Variants in ENTREP2 observed in about 807,000 individuals in gnomAD.
The protein encoded by ENTREP2 is endosomal transmembrane epsin interactor 2.
At chr15:29,128,798 T>C in the ENTREP2 span, 2 of 1,550,876 alleles carry the variant, frequency 1.3e-6, no homozygotes, top group East Asian at 2.4e-5. Context: ...CCTGGAGTGC[T>C]GAAGCCAGCA....
the ENTREP2 span, among the ~76,000 whole-genome samples, chr15:29,271,357 T>C: frequency 6.6e-6 from 1 of 152,228 alleles, no homozygotes; most frequent in Non-Finnish European, 1.5e-5. Context: ...AGGTCCCTAC[T>C]GCAGGATGTG....
chr15:29,654,510 A>C, the ENTREP2 span, among the ~76,000 whole-genome samples: 1 of 152,242 alleles, frequency 6.6e-6, no homozygotes, highest in Admixed American at 6.5e-5. Flanking sequence ...GACATGCATT[A>C]ATAAGAACTT....
the ENTREP2 span, among the ~76,000 whole-genome samples, chr15:29,438,958 G>A: frequency 6.6e-6 from 1 of 152,214 alleles, no homozygotes; most frequent in East Asian, 1.9e-4. Flanking sequence ...TATTTCCCCT[G>A]AAGGCAATGG....
chr15:29,652,176 A>C, the ENTREP2 span, among the ~76,000 whole-genome samples: 1 of 152,172 alleles, frequency 6.6e-6, no homozygotes, highest in South Asian at 2.1e-4. Context: ...AGAGAGGAGA[A>C]ACACACTCCA....
At chr15:29,489,502 G>GATTTTA in the ENTREP2 span, among the ~76,000 whole-genome samples, 3 of 103,336 alleles carry the variant, frequency 2.9e-5, no homozygotes, top group Non-Finnish European at 5.7e-5. Flanking sequence ...CTTTGATTCT[G>GATTTTA]TATGTGCGTA....
At chr15:29,547,546 T>C in the ENTREP2 span, among the ~76,000 whole-genome samples, 1 of 152,182 alleles carries the variant, frequency 6.6e-6, no homozygotes, top group Non-Finnish European at 1.5e-5. Flanking sequence ...CTCACCCTCA[T>C]CAGGATGGCT....
the ENTREP2 span, among the ~76,000 whole-genome samples, chr15:29,553,895 T>A: frequency 6.6e-6 from 1 of 152,112 alleles, no homozygotes; most frequent in Non-Finnish European, 1.5e-5. Flanking sequence ...CAAGCAAGAA[T>A]CACCCAGCAG....
the ENTREP2 span, among the ~76,000 whole-genome samples, chr15:29,162,512 C>G: frequency 5.3e-5 from 8 of 152,060 alleles, no homozygotes; most frequent in Non-Finnish European, 1.2e-4. Context: ...TGCATGGGAG[C>G]TGGGTGAGGC....
chr15:29,355,908 T>A, the ENTREP2 span, among the ~76,000 whole-genome samples: 5 of 152,090 alleles, frequency 3.3e-5, no homozygotes, highest in African/African-American at 1.2e-4. Flanking sequence ...GAGTTCCCTA[T>A]GTAAAATTAA....
the ENTREP2 span, among the ~76,000 whole-genome samples, chr15:29,341,023 C>T: frequency 1.3e-5 from 2 of 152,200 alleles, no homozygotes; most frequent in Non-Finnish European, 2.9e-5. Context: ...GGAGCCAGCA[C>T]CATCTCACAC....
At chr15:29,309,992 G>A in the ENTREP2 span, among the ~76,000 whole-genome samples, 1 of 152,126 alleles carries the variant, frequency 6.6e-6, no homozygotes, top group South Asian at 2.1e-4. Flanking sequence ...CCGAGGGTCT[G>A]CTTCCATGTG....
At chr15:29,523,176 T>A in the ENTREP2 span, among the ~76,000 whole-genome samples, 5 of 152,166 alleles carry the variant, frequency 3.3e-5, no homozygotes, top group African/African-American at 1.2e-4. Context: ...AAAGTAACAT[T>A]TGCAGATGAC....
the ENTREP2 span, among the ~76,000 whole-genome samples, chr15:29,634,263 T>G: frequency 1.3e-5 from 2 of 152,072 alleles, no homozygotes; most frequent in African/African-American, 4.8e-5. Flanking sequence ...ACTTGCCCTG[T>G]GGGGTAAGGG....
the ENTREP2 span, among the ~76,000 whole-genome samples, chr15:29,347,459 C>T: frequency 6.6e-6 from 1 of 152,174 alleles, no homozygotes; most frequent in Non-Finnish European, 1.5e-5. Flanking sequence ...GTGTCAGCCA[C>T]CACGCTGAGC....
At chr15:29,203,683 A>T in the ENTREP2 span, among the ~76,000 whole-genome samples, 1 of 152,186 alleles carries the variant, frequency 6.6e-6, no homozygotes, top group East Asian at 1.9e-4. Flanking sequence ...TGTGAAATAG[A>T]TCACTAAAAC....
chr15:29,391,950 A>G, the ENTREP2 span, among the ~76,000 whole-genome samples: 15 of 152,016 alleles, frequency 9.9e-5, no homozygotes, highest in Admixed American at 3.9e-4. Flanking sequence ...TCAGCCTCCC[A>G]AGTAGCTGGG....
At chr15:29,406,580 T>C in the ENTREP2 span, among the ~76,000 whole-genome samples, 1 of 152,030 alleles carries the variant, frequency 6.6e-6, no homozygotes, top group Non-Finnish European at 1.5e-5. Context: ...AAAAAATATA[T>C]TAAATATATG....
At chr15:29,628,674 C>A in the ENTREP2 span, among the ~76,000 whole-genome samples, 1 of 152,126 alleles carries the variant, frequency 6.6e-6, no homozygotes, top group Non-Finnish European at 1.5e-5. Context: ...GTTTTTACTT[C>A]ATGCATTTTG....
the ENTREP2 span, among the ~76,000 whole-genome samples, chr15:29,644,808 C>T: frequency 7.4e-6 from 1 of 135,490 alleles, no homozygotes; most frequent in African/African-American, 2.8e-5. Context: ...AAGACTCCAT[C>T]TCCATAAAAA....
Sources: allele counts gnomAD v4.1 joint callset (sites outside exome capture counted in the v4.1 genomes callset), GRCh38; gene constraint gnomAD v4.1.1; transcripts MANE v1.5; gene names NCBI Gene and HGNC (gene_info 2026-07-23, HGNC 2026-07-21).